LDHC: variants seen among roughly 807,000 people sequenced by gnomAD.
The protein encoded by LDHC is L-lactate dehydrogenase C chain.
A neutral mutation model predicts 30.2 loss-of-function variants in LDHC; 20 were observed. The ratio of observed to expected loss-of-function variants is 0.66; its 90% CI spans 0.47 to 0.96. The LOEUF is 0.96. Ranked by LOEUF, LDHC falls within the 40% of genes least tolerant of loss-of-function variation. LDHC has a pLI of 0.00. For synonymous variants in LDHC, 139 were observed against 132.7 expected (o/e 1.05, Z -0.32); for missense variants, 362 against 394.9 (o/e 0.92, Z 0.71).
intron 3 of LDHC, among the ~76,000 whole-genome samples, chr11:18,419,340 C>T (rs549446642): frequency 6.6e-6 from 1 of 152,276 alleles, no homozygotes; most frequent in East Asian, 1.9e-4. Context: ...CAGAACTATA[C>T]CGTTAATGTA....
intron 6 of LDHC, among the ~76,000 whole-genome samples, chr11:18,439,834 AAAC>A (rs1554964781): frequency 6.7e-6 from 1 of 148,772 alleles, no homozygotes; most frequent in Non-Finnish European, 1.5e-5. Flanking sequence ...AAAAAAAAAA[AAAC>A]AAAAATTAGC....
chr11:18,423,659 G>A (rs1848106646), intron 3 of LDHC, among the ~76,000 whole-genome samples: 1 of 151,928 alleles, frequency 6.6e-6, no homozygotes, highest in African/African-American at 2.4e-5. Context: ...CTGAAGGTAG[G>A]GACTGATTTA....
chr11:18,417,226 T>C (rs1867039177), intron 3 of LDHC, among the ~76,000 whole-genome samples: 4 of 152,134 alleles, frequency 2.6e-5, no homozygotes, highest in African/African-American at 9.7e-5. Context: ...CACTACAGTC[T>C]TGAACTCCTG....
intron 3 of LDHC, among the ~76,000 whole-genome samples, chr11:18,417,368 G>A (rs1590223164): frequency 6.6e-6 from 1 of 152,286 alleles, no homozygotes; most frequent in East Asian, 1.9e-4. Context: ...TGTTCATGAA[G>A]CAGTCTGGTT....
At position 18,451,679 on chromosome 11, in the gene LDHC, G is replaced by A. The variant is rs1848658079; in HGVS notation, c.*552G>A. On this transcript the variant is annotated 3_prime_UTR_variant, in exon 8 of 8. Transcript: ENST00000541669. ...AAAAAGAAATAAAAAGCTGAGTGCT[G>A]TGGCTCATGGCTGTAATCCCAGTGC... The A allele has an allele frequency of 6.6e-6, 1 of 152,210 alleles. No individual in the cohort carries two copies. Among genetic ancestry groups the A allele is most frequent in the Non-Finnish European group, 1.5e-5 (1 of 68,064 alleles). The allele number at this position is 152,210 out of a possible 1,614,324, so 9.4% of individuals were successfully genotyped here. A position where few individuals can be genotyped will look rare whatever the true frequency, so the allele number is the denominator to read the frequency against.
chr11:18,430,125 G>A (rs1848238910), intron 4 of LDHC, among the ~76,000 whole-genome samples: 2 of 152,088 alleles, frequency 1.3e-5, no homozygotes, highest in African/African-American at 4.8e-5. Context: ...GTTTTCTTGT[G>A]CCTCCTTGCA....
intron 3 of LDHC, among the ~76,000 whole-genome samples, chr11:18,416,428 G>C (rs1338095938): frequency 6.6e-6 from 1 of 152,140 alleles, no homozygotes; most frequent in Non-Finnish European, 1.5e-5. Context: ...AGTATATGGT[G>C]CACTGTTTGG....
chr11:18,431,171 A>C (rs1170853095), intron 4 of LDHC, among the ~76,000 whole-genome samples: 1 of 152,096 alleles, frequency 6.6e-6, no homozygotes, highest in African/African-American at 2.4e-5. Context: ...ATTTTAGCTA[A>C]TCCAGGCCAG....
chr11:18,432,436 G>C (rs1293744216), intron 4 of LDHC, among the ~76,000 whole-genome samples: 1 of 152,178 alleles, frequency 6.6e-6, no homozygotes, highest in African/African-American at 2.4e-5. Flanking sequence ...TGTGTATTCT[G>C]TGGTTGTTAG....
chr11:18,427,138 A>G (rs1848174289), intron 3 of LDHC, among the ~76,000 whole-genome samples: 1 of 151,914 alleles, frequency 6.6e-6, no homozygotes, highest in African/African-American at 2.4e-5. Context: ...CGGGTAGATC[A>G]TGAGGTCAGG....
intron 2 of LDHC, 36 bp from the exon 3 acceptor site, chr11:18,415,148 T>A: frequency 3.4e-6 from 4 of 1,170,006 alleles, no homozygotes; most frequent in Non-Finnish European, 5.0e-6. Flanking sequence ...AAAACTTAAG[T>A]AGGAACATTT....
intron 3 of LDHC, among the ~76,000 whole-genome samples, chr11:18,421,657 G>C (rs1226578658): frequency 6.6e-6 from 1 of 151,692 alleles, no homozygotes; most frequent in East Asian, 2.0e-4. Context: ...TGGGTGACAA[G>C]AGCAAAACTC....
At chr11:18,428,203 ACT>A (rs1290114577) in intron 3 of LDHC, among the ~76,000 whole-genome samples, 1 of 100,392 alleles carries the variant, frequency 1.0e-5, no homozygotes, top group African/African-American at 4.1e-5. Flanking sequence ...ACAGAGTCTC[ACT>A]CTGTCACACA....
At chr11:18,445,546 G>A (rs1848540958) in intron 6 of LDHC, among the ~76,000 whole-genome samples, 1 of 152,006 alleles carries the variant, frequency 6.6e-6, no homozygotes, top group Non-Finnish European at 1.5e-5. Context: ...TAACTTTCAA[G>A]GTGATTAGTT....
intron 3 of LDHC, among the ~76,000 whole-genome samples, chr11:18,416,721 T>C (rs1201729488): frequency 3.5e-5 from 5 of 141,278 alleles, no homozygotes; most frequent in Middle Eastern, 3.5e-3. Flanking sequence ...CCCTTTCCCC[T>C]TCCTTCCCCC....
chr11:18,434,858 T>C lies in LDHC; in HGVS notation c.537T>C (p.Gly179=). ...RFRYLIGEKL[G]VHPTSCHGWI... is the part of the protein sequence containing the mutation. ...GTTACCTAATTGGAGAAAAGTTGGGTGTCCACCCCACAAGCTGCCATGGTT... is the reference window on the plus strand; with the variant it reads ...GTTACCTAATTGGAGAAAAGTTGGGCGTCCACCCCACAAGCTGCCATGGTT... Residue 179 remains glycine, a synonymous_variant, in exon 5 of 8, where the codon GGT becomes GGC. Transcript: ENST00000541669. The C allele has an allele frequency of 9.9e-6, 16 of 1,613,610 alleles. No individual in the cohort carries two copies. Among genetic ancestry groups the C allele is most frequent in the Non-Finnish European group, 1.4e-5 (16 of 1,179,510 alleles).
At chr11:18,421,727 T>G (rs188519637) in intron 3 of LDHC, among the ~76,000 whole-genome samples, 10 of 152,134 alleles carry the variant, frequency 6.6e-5, no homozygotes, top group African/African-American at 2.4e-4. Context: ...CAGGCTGGTC[T>G]CAAACTCCTG....
chr11:18,428,103 T>A (rs1295192423), intron 3 of LDHC, among the ~76,000 whole-genome samples: 1 of 151,484 alleles, frequency 6.6e-6, no homozygotes, highest in African/African-American at 2.4e-5. Flanking sequence ...AGAATCACCA[T>A]AAATGAAGAT....
chr11:18,424,203 G>T (rs1198317747), intron 3 of LDHC, among the ~76,000 whole-genome samples: 2 of 152,118 alleles, frequency 1.3e-5, no homozygotes, highest in East Asian at 3.9e-4. Context: ...CCAACATGGT[G>T]AAACCCTGTC....
Sources: allele counts gnomAD v4.1 joint callset (sites outside exome capture counted in the v4.1 genomes callset), GRCh38; gene constraint gnomAD v4.1.1; transcripts MANE v1.5; gene names NCBI Gene and HGNC (gene_info 2026-07-23, HGNC 2026-07-21).